Variants in SOX11 observed in about 807,000 individuals in gnomAD.
SOX11 encodes the protein SRY-box transcription factor 11, also known as transcription factor SOX-11.
In SOX11, 5 loss-of-function variants were observed where a neutral mutation model predicts 16.7. The observed-to-expected ratio is 0.30, with a 90% CI of 0.16 to 0.63. The LOEUF is 0.63. Among genes scored for constraint, SOX11 ranks in the 20% least tolerant of loss-of-function variants. The probability of loss-of-function intolerance (pLI) is 0.82; values close to 1 mark genes in which losing one functional copy is unlikely to be tolerated. For synonymous variants in SOX11, 363 were observed against 298.8 expected, an observed-to-expected ratio of 1.21 and a Z score of -2.22; for missense variants, 492 against 641.5, an observed-to-expected ratio of 0.77 and a Z score of 2.52.
rs1233213429 is a variant in SOX11, at chr2:5,697,185, C to T, written c.*3138C>T. On this transcript the variant is annotated 3_prime_UTR_variant, in exon 1 of 1. Coordinates refer to ENST00000322002, the MANE Select transcript of SOX11 (RefSeq NM_003108.4). ...GCCGCTCGGGGCCCAGCGTGCCAGC[C>T]CCGGAGTTCAGCCTCCCGAGCTGCG... 1 of 166,314 alleles carries T rather than the reference C, an allele frequency of 6.0e-6. No homozygotes were observed. The highest frequency in any genetic ancestry group is 1.5e-5 in the Non-Finnish European group (1 of 68,142). The allele number at this position is 166,314 out of a possible 1,614,324, so 10.3% of individuals were successfully genotyped here.
Position 5,699,144 on chromosome 2 carries a change from T to C in SOX11, c.*5097T>C, listed in dbSNP as rs1324628234. 1 of 167,068 alleles carries C rather than the reference T, an allele frequency of 6.0e-6. No individual in the cohort carries two copies. Among genetic ancestry groups the C allele is most frequent in the African/African-American group, 2.4e-5 (1 of 41,474 alleles). The allele number at this position is 167,068 out of a possible 1,614,324, so 10.3% of individuals were successfully genotyped here. A position where few individuals can be genotyped will look rare whatever the true frequency, so the allele number is the denominator to read the frequency against. On this transcript the variant is annotated 3_prime_UTR_variant, in exon 1 of 1. Coordinates refer to ENST00000322002, the MANE Select transcript of SOX11 (RefSeq NM_003108.4). ...ATCTTTATACTCTTTTACTGTGTGGTTCCCTGCTTTTAACAGATTTCTGAG... is the reference window on the plus strand; with the variant it reads ...ATCTTTATACTCTTTTACTGTGTGGCTCCCTGCTTTTAACAGATTTCTGAG...
In SOX11 at chr2:5,693,699, C is replaced by G. The variant is rs754635284; in HGVS notation, c.978C>G (p.Leu326=). ...TCACCAAGCAGCACCCGCCGCCGCT[C>G]GCGCAGCCCGCGCTGTCGCCCGCGT... ...KNITKQHPPP[L]AQPALSPASS... The change falls in exon 1 of 1, where the codon CTC becomes CTG. Residue 326 remains leucine, a synonymous_variant. Transcript: ENST00000322002. This position sits in a 1 kb window ranked among gnomAD's most constrained non-coding sequence, Gnocchi z 8.6. The G allele has an allele frequency of 2.5e-6, 4 of 1,599,368 alleles. No homozygotes were observed. Among genetic ancestry groups the G allele is most frequent in the South Asian group, 1.1e-5 (1 of 90,456 alleles).
chr2:5,693,366 G>A lies in SOX11; in HGVS notation c.645G>A (p.Lys215=), dbSNP rs377652465. 2.7e-4 allele frequency: 432 copies of A among 1,591,828 alleles called. No homozygotes were observed. The African/African-American group carries it at 5.4e-3, about 20-fold the overall frequency. ...GCTCGGGCGGCGGCGGCGCGGGCAAGACGGTCAAGTGCGTGTTTCTGGATG... is the reference window on the plus strand; with the variant it reads ...GCTCGGGCGGCGGCGGCGCGGGCAAAACGGTCAAGTGCGTGTTTCTGGATG... ...VSGSGGGGAG[K]TVKCVFLDED... is the part of the protein sequence containing the mutation. The change falls in exon 1 of 1, where the codon AAG becomes AAA. Residue 215 remains lysine, a synonymous_variant. Coordinates refer to ENST00000322002, the MANE Select transcript of SOX11 (RefSeq NM_003108.4). This position sits in a 1 kb window ranked among gnomAD's most constrained non-coding sequence, Gnocchi z 8.6.
chr2:5,693,303 G>A lies in SOX11; in HGVS notation c.582G>A (p.Ala194=), dbSNP rs1665669154. 2.6e-6 allele frequency: 4 copies of A among 1,548,102 alleles called. No individual in the cohort carries two copies. Among genetic ancestry groups the A allele is most frequent in the Non-Finnish European group, 2.6e-6 (3 of 1,155,982 alleles). Residue 194 remains alanine (A), a synonymous_variant, in exon 1 of 1, where the codon GCG becomes GCA. Coordinates refer to ENST00000322002, the MANE Select transcript of SOX11 (RefSeq NM_003108.4). This position sits in a 1 kb window ranked among gnomAD's most constrained non-coding sequence, Gnocchi z 8.6. ...KAAQSGDYGG[A]GDDYVLGSLR... ...CCCAGTCCGGGGACTACGGGGGCGC[G>A]GGCGACGACTACGTGCTGGGCAGCC...
rs1395531436 is a variant in SOX11, at chr2:5,700,151, C to T, written c.*6104C>T. On this transcript the variant is annotated 3_prime_UTR_variant, in exon 1 of 1. Transcript: ENST00000322002. ...AAACAAACCACTAAAAGCAATATGACCGAGTTGAGATGTGGTTTCCAATGA... is the reference window on the plus strand; with the variant it reads ...AAACAAACCACTAAAAGCAATATGATCGAGTTGAGATGTGGTTTCCAATGA... 1 of 166,968 alleles carries T rather than the reference C, an allele frequency of 6.0e-6. No individual in the cohort carries two copies. The highest frequency in any genetic ancestry group is 1.5e-5 in the Non-Finnish European group (1 of 68,108). The allele number at this position is 166,968 out of a possible 1,614,324, so 10.3% of individuals were successfully genotyped here.
Position 5,698,909 on chromosome 2 carries a change from A to G in SOX11, c.*4862A>G. ...CATTTGTTTTTTACTTCAGAATTTA[A>G]GTGACTTTTGCCCAAGGAATTTGAG... is the stretch of plus-strand genomic sequence containing the variant. On this transcript the variant is annotated 3_prime_UTR_variant, in exon 1 of 1. Coordinates refer to ENST00000322002, the MANE Select transcript of SOX11 (RefSeq NM_003108.4). 6.0e-6 allele frequency: 1 copy of G among 167,218 alleles called. No homozygotes were observed. 10.4% of individuals were successfully genotyped at this position (167,218 alleles called of 1,614,324 possible). A position where few individuals can be genotyped will look rare whatever the true frequency, so the allele number is the denominator to read the frequency against.
In SOX11 at chr2:5,693,395, A is replaced by G. The variant is rs767125292; in HGVS notation, c.674A>G (p.Asp225Gly). The change falls in exon 1 of 1, where the codon GAC becomes GGC. Residue 225 changes from aspartate (D) to glycine (G), a missense_variant. Around this residue, in one of 4 missense-constraint regions of SOX11, gnomAD observed 389 missense variants for 389.0 expected, o/e 1.00. Coordinates refer to ENST00000322002, the MANE Select transcript of SOX11 (RefSeq NM_003108.4). This position sits in a 1 kb window ranked among gnomAD's most constrained non-coding sequence, Gnocchi z 8.6. The part of the protein sequence containing the change: ...KTVKCVFLDE[D>G]DDDDDDDDEL... ...GTCAAGTGCGTGTTTCTGGATGAGGACGACGACGACGACGACGACGACGAC... is the reference window on the plus strand; with the variant it reads ...GTCAAGTGCGTGTTTCTGGATGAGGGCGACGACGACGACGACGACGACGAC... 5 of 1,401,174 alleles carry G rather than the reference A, an allele frequency of 3.6e-6. No homozygotes were observed. The East Asian group carries it at 1.1e-4, about 31-fold the overall frequency. 86.8% of individuals were successfully genotyped at this position (1,401,174 alleles called of 1,614,324 possible).
rs1422472494 is a variant in SOX11 at position 5,699,495 on chromosome 2, A to G, written c.*5448A>G. ...TTCTGAGATTTGGCTTATTTTTATTATTGGTTATTTCTCACTGTTCATTCT... is the reference window on the plus strand; with the variant it reads ...TTCTGAGATTTGGCTTATTTTTATTGTTGGTTATTTCTCACTGTTCATTCT... On this transcript the variant is annotated 3_prime_UTR_variant, in exon 1 of 1. Transcript: ENST00000322002. 1 of 166,804 alleles carries G rather than the reference A, an allele frequency of 6.0e-6. No individual in the cohort carries two copies. Among genetic ancestry groups the G allele is most frequent in the Admixed American group, 6.5e-5 (1 of 15,276 alleles). The allele number at this position is 166,804 out of a possible 1,614,324, so 10.3% of individuals were successfully genotyped here. A position where few individuals can be genotyped will look rare whatever the true frequency, so the allele number is the denominator to read the frequency against.
chr2:5,700,266 A>C lies in SOX11; in HGVS notation c.*6219A>C. On this transcript the variant is annotated 3_prime_UTR_variant, in exon 1 of 1. Transcript: ENST00000322002. ...AAACTTCTTTTATGTAGTCACGTAG[A>C]CTTGATTTTTTCTGCTGTGAAAATG... 6.0e-6 allele frequency: 1 copy of C among 167,154 alleles called. No homozygotes were observed. 10.4% of individuals were successfully genotyped at this position (167,154 alleles called of 1,614,324 possible). A position where few individuals can be genotyped will look rare whatever the true frequency, so the allele number is the denominator to read the frequency against.
rs1204824596 is a variant in SOX11 at position 5,697,889 on chromosome 2, A to G, written c.*3842A>G. Reference sequence around the variant, plus strand: ...AACCCATTGATAGGCTGATCTATGTATTTTGAAAGCCTGAAAACTTGGCAT... The same window carrying G: ...AACCCATTGATAGGCTGATCTATGTGTTTTGAAAGCCTGAAAACTTGGCAT... On this transcript the variant is annotated 3_prime_UTR_variant, in exon 1 of 1. Transcript: ENST00000322002. 1.2e-5 allele frequency: 2 copies of G among 167,132 alleles called. No individual in the cohort carries two copies. The highest frequency in any genetic ancestry group is 2.9e-5 in the Non-Finnish European group (2 of 68,134). 10.4% of individuals were successfully genotyped at this position (167,132 alleles called of 1,614,324 possible). A position where few individuals can be genotyped will look rare whatever the true frequency, so the allele number is the denominator to read the frequency against.
Position 5,693,390 on chromosome 2 carries a change from T to C in SOX11, c.669T>C (p.Asp223=). 6.3e-7 allele frequency: 1 copy of C among 1,592,654 alleles called. No individual in the cohort carries two copies. The highest frequency in any genetic ancestry group is 8.5e-7 in the Non-Finnish European group (1 of 1,177,876). The change falls in exon 1 of 1, where the codon GAT becomes GAC. Residue 223 remains aspartate (D), a synonymous_variant. Transcript: ENST00000322002. This position sits in a 1 kb window ranked among gnomAD's most constrained non-coding sequence, Gnocchi z 8.6. Reference sequence around the variant, plus strand: ...AGACGGTCAAGTGCGTGTTTCTGGATGAGGACGACGACGACGACGACGACG... The same window carrying C: ...AGACGGTCAAGTGCGTGTTTCTGGACGAGGACGACGACGACGACGACGACG... The part of the protein sequence containing the change: ...AGKTVKCVFL[D]EDDDDDDDDD...
rs757172490 is a variant in SOX11 at position 5,693,585 on chromosome 2, C to T, written c.864C>T (p.Pro288=). Residue 288 remains proline, a synonymous_variant, in exon 1 of 1, where the codon CCC becomes CCT. Transcript: ENST00000322002. The surrounding 1 kb of genome is among the most constrained non-coding windows in gnomAD (Gnocchi z 8.6). ...CGCTGAGCAGCTCGGCGGAGTCCCC[C>T]GAGGGAGCGAGCCTCTACGACGAGG... is the stretch of plus-strand genomic sequence containing the variant. ...SPTLSSSAES[P]EGASLYDEVR... is the part of the protein sequence containing the mutation. 1.3e-6 allele frequency: 2 copies of T among 1,559,224 alleles called. No homozygotes were observed. Among genetic ancestry groups the T allele is most frequent in the East Asian group, 2.4e-5 (1 of 42,230 alleles).
rs1354586764 is a variant in SOX11, at chr2:5,693,420, C to A, written c.699C>A (p.Asp233Glu). Residue 233 changes from aspartate to glutamate, a missense_variant, in exon 1 of 1, where the codon GAC becomes GAA. This residue lies in a region of SOX11 where 389 missense variants were observed against 389.0 expected (regional missense o/e 1.00). Transcript: ENST00000322002. This position sits in a 1 kb window ranked among gnomAD's most constrained non-coding sequence, Gnocchi z 8.6. ...ACGACGACGACGACGACGACGACGA[C>A]GAGCTGCAGCTGCAGATCAAACAGG... is the stretch of plus-strand genomic sequence containing the variant. ...DEDDDDDDDD[D>E]ELQLQIKQEP... is the part of the protein sequence containing the mutation. 2 of 1,589,458 alleles carry A rather than the reference C, an allele frequency of 1.3e-6. No homozygotes were observed. The highest frequency in any genetic ancestry group is 2.2e-5 in the South Asian group (2 of 89,780).
At position 5,693,246 on chromosome 2, in the gene SOX11, C is replaced by G. The variant is rs1310798404; in HGVS notation, c.525C>G (p.Ala175=). 6.5e-6 allele frequency: 9 copies of G among 1,378,694 alleles called. No homozygotes were observed. Among genetic ancestry groups the G allele is most frequent in the Non-Finnish European group, 7.4e-6 (8 of 1,078,166 alleles). The allele number at this position is 1,378,694 out of a possible 1,614,324, so 85.4% of individuals were successfully genotyped here. ...KKCGKLKAPA[A]AGAKAGAGKA... ...GCGGCAAGCTCAAGGCCCCCGCGGC[C>G]GCGGGCGCCAAGGCGGGCGCGGGCA... Residue 175 remains alanine, a synonymous_variant, in exon 1 of 1, where the codon GCC becomes GCG. Coordinates refer to ENST00000322002, the MANE Select transcript of SOX11 (RefSeq NM_003108.4). This position sits in a 1 kb window ranked among gnomAD's most constrained non-coding sequence, Gnocchi z 8.6.
chr2:5,700,848 T>C lies in SOX11; in HGVS notation c.*6801T>C, dbSNP rs1474435856. On this transcript the variant is annotated 3_prime_UTR_variant, in exon 1 of 1. Coordinates refer to ENST00000322002, the MANE Select transcript of SOX11 (RefSeq NM_003108.4). ...TGTATTTTCCAAGGCCACATGAAAC[T>C]TACTTTCTTAGCCACTCCAGGTTTG... 2.4e-5 allele frequency: 4 copies of C among 166,706 alleles called. No homozygotes were observed. The Admixed American group carries it at 2.6e-4, about 11-fold the overall frequency. 10.3% of individuals were successfully genotyped at this position (166,706 alleles called of 1,614,324 possible).
chr2:5,692,672 C>A lies in SOX11; in HGVS notation c.-50C>A, dbSNP rs537031161. ...GGGGTGGGAGGGGGAGGGGGACCTC[C>A]GCACGAGACCCAGCGGCCCGGGTTG... On this transcript the variant is annotated 5_prime_UTR_variant, in exon 1 of 1. Transcript: ENST00000322002. 31 of 1,476,944 alleles carry A rather than the reference C, an allele frequency of 2.1e-5. No individual in the cohort carries two copies. The Middle Eastern group carries it at 6.5e-4, about 31-fold the overall frequency. The allele number at this position is 1,476,944 out of a possible 1,614,324, so 91.5% of individuals were successfully genotyped here. A position where few individuals can be genotyped will look rare whatever the true frequency, so the allele number is the denominator to read the frequency against.
Position 5,698,754 on chromosome 2 carries a change from T to G in SOX11, c.*4707T>G, listed in dbSNP as rs1665787548. The stretch of plus-strand genomic sequence containing the variant: ...CAAGGGGAAGTGATTTAAATATGCA[T>G]AAATGTAGCAGTCAGGGTGATTTAG... On this transcript the variant is annotated 3_prime_UTR_variant, in exon 1 of 1. Transcript: ENST00000322002. 1 of 167,074 alleles carries G rather than the reference T, an allele frequency of 6.0e-6. No homozygotes were observed. Among genetic ancestry groups the G allele is most frequent in the South Asian group, 2.1e-4 (1 of 4,836 alleles). The allele number at this position is 167,074 out of a possible 1,614,324, so 10.3% of individuals were successfully genotyped here. A position where few individuals can be genotyped will look rare whatever the true frequency, so the allele number is the denominator to read the frequency against.
chr2:5,693,031 C>A lies in SOX11; in HGVS notation c.310C>A (p.Arg104=), dbSNP rs1388465829. ...EKIPFIREAE[R]LRLKHMADYP... is the part of the protein sequence containing the mutation. ...GATCCCGTTCATCCGGGAGGCGGAG[C>A]GGCTGCGGCTCAAGCACATGGCCGA... Residue 104 remains arginine (R), a synonymous_variant, in exon 1 of 1, where the codon CGG becomes AGG. Transcript: ENST00000322002. The surrounding 1 kb of genome is among the most constrained non-coding windows in gnomAD (Gnocchi z 8.6). The A allele has an allele frequency of 1.2e-6, 2 of 1,614,110 alleles. No homozygotes were observed. Among genetic ancestry groups the A allele is most frequent in the Non-Finnish European group, 1.7e-6 (2 of 1,180,020 alleles).
Position 5,693,247 on chromosome 2 carries a change from G to C in SOX11, c.526G>C (p.Ala176Pro), listed in dbSNP as rs1340253906. 4 of 1,378,556 alleles carry C rather than the reference G, an allele frequency of 2.9e-6. No individual in the cohort carries two copies. The South Asian group carries it at 5.2e-5, about 18-fold the overall frequency. The allele number at this position is 1,378,556 out of a possible 1,614,324, so 85.4% of individuals were successfully genotyped here. ...CGGCAAGCTCAAGGCCCCCGCGGCC[G>C]CGGGCGCCAAGGCGGGCGCGGGCAA... is the stretch of plus-strand genomic sequence containing the variant. ...KCGKLKAPAA[A>P]GAKAGAGKAA... is the part of the protein sequence containing the mutation. The change falls in exon 1 of 1, where the codon GCG becomes CCG. Residue 176 changes from alanine to proline, a missense_variant. By Grantham distance (27) the Ala-to-Pro change is conservative. Coordinates refer to ENST00000322002, the MANE Select transcript of SOX11 (RefSeq NM_003108.4). The surrounding 1 kb of genome is among the most constrained non-coding windows in gnomAD (Gnocchi z 8.6).
Sources: gnomAD v4.1 joint callset for allele counts on GRCh38, gnomAD v4.1.1 for gene constraint, gnomAD v4.1.1 regional missense constraint, Gnocchi (gnomAD v3.1) non-coding constraint, MANE v1.5 for transcripts, NCBI Gene and HGNC (gene_info 2026-07-23, HGNC 2026-07-21) for gene names.